The following ZNF277 variants were observed in gnomAD, a reference collection of about 807,000 sequenced individuals.
ZNF277 encodes zinc finger protein 277.
In ZNF277, 55 loss-of-function variants were observed where a neutral mutation model predicts 60.7. The observed-to-expected ratio is 0.91, with a 90% CI of 0.73 to 1.13. The LOEUF (loss-of-function observed/expected upper bound fraction) is 1.13, where lower values mean the gene tolerates loss of function less well. Among genes scored for constraint, ZNF277 ranks in the 50% most tolerant of loss-of-function variants. The pLI, the probability that ZNF277 is intolerant of heterozygous loss-of-function variation, is 0.00. For synonymous variants in ZNF277, 178 were observed against 179.3 expected (o/e 0.99, Z 0.06); for missense variants, 510 against 523.0 (o/e 0.98, Z 0.24).
At chr7:112,322,470 T>C (rs142967005) in intron 5 of ZNF277, among the ~76,000 whole-genome samples, 1 of 152,184 alleles carries the variant, frequency 6.6e-6, no homozygotes, top group East Asian at 1.9e-4. Flanking sequence ...CTTATTTCAG[T>C]TATTGTACTT....
chr7:112,318,787 C>T (rs1232428169), intron 5 of ZNF277, among the ~76,000 whole-genome samples: 1 of 152,044 alleles, frequency 6.6e-6, no homozygotes. Flanking sequence ...AGACTGCCTT[C>T]ACATTAGACA....
intron 1 of ZNF277, among the ~76,000 whole-genome samples, chr7:112,251,372 G>T (rs1791196939): frequency 6.6e-6 from 1 of 152,136 alleles, no homozygotes; most frequent in Non-Finnish European, 1.5e-5. Context: ...TTTATATAAT[G>T]GGATTTTATG....
At chr7:112,221,176 T>A (rs1429611845) in intron 1 of ZNF277, among the ~76,000 whole-genome samples, 1 of 152,178 alleles carries the variant, frequency 6.6e-6, no homozygotes, top group Non-Finnish European at 1.5e-5. Flanking sequence ...CCATCGTTCC[T>A]GCATGGCTAA....
rs946048110 is a variant in ZNF277 at position 112,259,545 on chromosome 7, C to A, written c.92-27328C>A. ...AACCACTAAACAGGTTACTTAAGAG[C>A]GCTTAATTTCAGAGACACGTCCAGT... On this transcript the variant is annotated intron_variant, in intron 1 of 11. Coordinates refer to ENST00000361822, the MANE Select transcript of ZNF277 (RefSeq NM_021994.3). 3.3e-5 allele frequency among the ~76,000 whole-genome samples: 5 copies of A among 152,156 alleles called. No individual in the cohort carries two copies. In the South Asian group the frequency reaches 8.3e-4, roughly 25 times the overall value.
chr7:112,308,466 G>A (rs1050120253), intron 4 of ZNF277, among the ~76,000 whole-genome samples: 7 of 151,918 alleles, frequency 4.6e-5, no homozygotes, highest in African/African-American at 1.7e-4. Flanking sequence ...GCAGTGAGTC[G>A]AGATCATACC....
chr7:112,267,054 G>A (rs1791565931), intron 1 of ZNF277, among the ~76,000 whole-genome samples: 1 of 152,092 alleles, frequency 6.6e-6, no homozygotes, highest in African/African-American at 2.4e-5. Context: ...TGGTAATAAT[G>A]CTTCCCAAAG....
At chr7:112,286,075 C>T (rs577653510) in intron 1 of ZNF277, among the ~76,000 whole-genome samples, 5 of 152,298 alleles carry the variant, frequency 3.3e-5, no homozygotes, top group South Asian at 2.1e-4. Context: ...GCTACTGTCA[C>T]GACTGGCTGT....
chr7:112,250,117 A>C (rs1422896986), intron 1 of ZNF277, among the ~76,000 whole-genome samples: 1 of 152,190 alleles, frequency 6.6e-6, no homozygotes, highest in Non-Finnish European at 1.5e-5. Flanking sequence ...TCCCTGAGAA[A>C]GAGAATGTGC....
At chr7:112,216,771 G>A (rs1422427890) in intron 1 of ZNF277, among the ~76,000 whole-genome samples, 2 of 152,188 alleles carry the variant, frequency 1.3e-5, no homozygotes, top group Non-Finnish European at 2.9e-5. Context: ...TTCAGTCCTA[G>A]CATCTGTAAA....
At chr7:112,242,366 C>A (rs1289341633) in intron 1 of ZNF277, among the ~76,000 whole-genome samples, 1 of 151,894 alleles carries the variant, frequency 6.6e-6, no homozygotes, top group Non-Finnish European at 1.5e-5. Context: ...CCACTTTCAC[C>A]ATTGGAAAAG....
chr7:112,272,229 C>T (rs1584364853), intron 1 of ZNF277, among the ~76,000 whole-genome samples: 1 of 152,142 alleles, frequency 6.6e-6, no homozygotes, highest in East Asian at 1.9e-4. Context: ...ATAATAACCT[C>T]CAGTTCCATC....
At chr7:112,252,973 C>G (rs989412370) in intron 1 of ZNF277, among the ~76,000 whole-genome samples, 1 of 152,088 alleles carries the variant, frequency 6.6e-6, no homozygotes, top group African/African-American at 2.4e-5. Context: ...GAGAAAGTCA[C>G]AGAGAGGAAG....
chr7:112,335,084 C>G (rs144970581), intron 7 of ZNF277, among the ~76,000 whole-genome samples: 2,259 of 152,232 alleles, frequency 0.015, 15 homozygotes, highest in South Asian at 0.025. Flanking sequence ...CCCTCTAAAT[C>G]ATAATGGCAC....
chr7:112,265,905 C>G (rs1791539424), intron 1 of ZNF277, among the ~76,000 whole-genome samples: 1 of 152,060 alleles, frequency 6.6e-6, no homozygotes, highest in Non-Finnish European at 1.5e-5. Flanking sequence ...AGAGCTGTTC[C>G]TTTACATTTT....
intron 1 of ZNF277, among the ~76,000 whole-genome samples, chr7:112,207,667 C>T (rs1030604357): frequency 1.3e-4 from 19 of 149,296 alleles, no homozygotes; most frequent in Admixed American, 2.7e-4. Flanking sequence ...CCATTTTTGT[C>T]TTGATGTGTA....
At chr7:112,225,529 T>C (rs1201569530) in intron 1 of ZNF277, among the ~76,000 whole-genome samples, 1 of 152,222 alleles carries the variant, frequency 6.6e-6, no homozygotes, top group Non-Finnish European at 1.5e-5. Context: ...ATGTTAATAA[T>C]TTTCTCATTT....
At chr7:112,243,051 T>A (rs886868783) in intron 1 of ZNF277, among the ~76,000 whole-genome samples, 1 of 151,812 alleles carries the variant, frequency 6.6e-6, no homozygotes, top group African/African-American at 2.4e-5. Context: ...TTTGACAAAG[T>A]TGACAAAAAT....
chr7:112,290,166 A>G (rs907000848), intron 2 of ZNF277, among the ~76,000 whole-genome samples: 7 of 152,128 alleles, frequency 4.6e-5, no homozygotes, highest in African/African-American at 1.7e-4. Context: ...TATAAACACA[A>G]ATTTTCCTTC....
At chr7:112,275,026 A>C (rs1380903621) in intron 1 of ZNF277, among the ~76,000 whole-genome samples, 1 of 152,204 alleles carries the variant, frequency 6.6e-6, no homozygotes, top group African/African-American at 2.4e-5. Flanking sequence ...CATCCTGTTC[A>C]GATCACTAGC....
Sources: gnomAD v4.1 joint callset for allele counts (sites outside exome capture counted in the v4.1 genomes callset) on GRCh38, gnomAD v4.1.1 for gene constraint, MANE v1.5 for transcripts, NCBI Gene and HGNC (gene_info 2026-07-23, HGNC 2026-07-21) for gene names.